The following TECPR1 variants were observed in gnomAD, a reference collection of about 807,000 sequenced individuals.
TECPR1 encodes tectonin beta-propeller repeat-containing protein 1.
Under a neutral mutation model 162.4 loss-of-function variants are expected in TECPR1, and 122 were observed. The ratio of observed to expected loss-of-function variants is 0.75; its 90% confidence interval spans 0.65 to 0.87. TECPR1 has a LOEUF of 0.87. Among genes scored for constraint, TECPR1 ranks in the 40% least tolerant of loss-of-function variants. TECPR1 has a pLI of 0.00. For missense variants in TECPR1, 1,432 were observed against 1,618.2 expected, an observed-to-expected ratio of 0.88 and a Z score of 1.97; for synonymous variants, 642 against 670.6, an observed-to-expected ratio of 0.96 and a Z score of 0.66.
Position 98,233,711 on chromosome 7 carries a change from G to T in TECPR1, c.1382C>A (p.Ala461Asp). 6.2e-7 allele frequency: 1 copy of T among 1,611,682 alleles called. No homozygotes were observed. Among genetic ancestry groups the T allele is most frequent in the Non-Finnish European group, 8.5e-7 (1 of 1,179,218 alleles). ...CTCCCTGCTGCCCTCGGCTGGGCAGGCATCTTCCACGGTATCTTCTGCGGT... is the reference window on the plus strand; with the variant it reads ...CTCCCTGCTGCCCTCGGCTGGGCAGTCATCTTCCACGGTATCTTCTGCGGT... The part of the protein sequence containing the change: ...GRTAEDTVED[A>D]CPAEGSREAR... The change falls in exon 11 of 26, where the codon GCC (alanine) becomes GAC (aspartate). Residue 461 changes from alanine to aspartate, a missense_variant. Coordinates refer to ENST00000447648, the MANE Select transcript of TECPR1 (RefSeq NM_015395.3).
Position 98,233,433 on chromosome 7 carries a change from T to C in TECPR1, c.1660A>G (p.Thr554Ala), listed in dbSNP as rs777108148. ...CAGGAGCCCTTACCCGCCTGGACAGTGAACCATCTGGGCATGGCACATGCC... is the reference window on the plus strand; with the variant it reads ...CAGGAGCCCTTACCCGCCTGGACAGCGAACCATCTGGGCATGGCACATGCC... ...VEACAMPRWF[T>A]VQAGLSSSVH... is the part of the protein sequence containing the mutation. The change falls in exon 11 of 26, where the codon ACT (threonine) becomes GCT (alanine). Residue 554 changes from threonine (T) to alanine (A), a missense_variant. Transcript: ENST00000447648. 1.4e-6 allele frequency: 2 copies of C among 1,455,542 alleles called. No individual in the cohort carries two copies. Among genetic ancestry groups the C allele is most frequent in the Admixed American group, 2.8e-5 (1 of 35,204 alleles). The allele number at this position is 1,455,542 out of a possible 1,614,324, so 90.2% of individuals were successfully genotyped here. A position where few individuals can be genotyped will look rare whatever the true frequency, so the allele number is the denominator to read the frequency against.
At chr7:98,233,014 C>T (rs117994369) in intron 11 of TECPR1, 42 bp from the exon 12 acceptor site, 1,194 of 1,553,016 alleles carry the variant, frequency 7.7e-4, no homozygotes, top group Non-Finnish European at 9.9e-4. Flanking sequence ...CACTGTCCTG[C>T]CCGCAGCTGG....
chr7:98,231,618 G>C (rs1798442075), intron 13 of TECPR1, 186 bp downstream of exon 13: 1 of 588,246 alleles, frequency 1.7e-6, no homozygotes, highest in African/African-American at 2.5e-5. Flanking sequence ...CCCCATTTCT[G>C]TACCCCCTTC....
rs779811136 is a variant in TECPR1 at position 98,241,107 on chromosome 7, G to A, written c.795C>T (p.Ala265=). 2.5e-6 allele frequency: 4 copies of A among 1,611,160 alleles called. No individual in the cohort carries two copies. In the East Asian group the frequency reaches 8.9e-5, roughly 36 times the overall value. Residue 265 remains alanine, a synonymous_variant, in exon 7 of 26, where the codon GCC becomes GCT. Transcript: ENST00000447648. The surrounding 1 kb of genome is among the most constrained non-coding windows in gnomAD (Gnocchi z 5.0). ...TCCTGTTGATTCCTTCCCGGACCAG[G>A]GCCTGTCCCTCCCAGAGTGTGGCCC... The part of the protein sequence containing the change: ...LLWATLWEGQ[A]LVREGINRSN...
At chr7:98,246,220 A>G in intron 2 of TECPR1, 55 bp from the exon 3 acceptor site, 2 of 1,144,166 alleles carry the variant, frequency 1.7e-6, no homozygotes, top group Non-Finnish European at 2.5e-6. Context: ...GGGACATCAG[A>G]GTCATGTGAA....
At position 98,229,640 on chromosome 7, in the gene TECPR1, C is replaced by T. The variant is rs912944160; in HGVS notation, c.2283-474G>A. 8.0e-5 allele frequency among the ~76,000 whole-genome samples: 12 copies of T among 149,124 alleles called. No individual in the cohort carries two copies. The South Asian group carries it at 1.6e-3, about 20-fold the overall frequency. On this transcript the variant is annotated intron_variant, in intron 15 of 25. Coordinates refer to ENST00000447648, the MANE Select transcript of TECPR1 (RefSeq NM_015395.3). ...GGGCTTCCAGGGTGTCAGCGGGAGG[C>T]GGTGCCAGCACAGCATGGCCTCCTG...
At position 98,232,748 on chromosome 7, in the gene TECPR1, A is replaced by G. The variant is rs569444594; in HGVS notation, c.1818+79T>C. The G allele has an allele frequency of 6.9e-7, 1 of 1,451,176 alleles. No homozygotes were observed. Among genetic ancestry groups the G allele is most frequent in the South Asian group, 1.4e-5 (1 of 69,710 alleles). The allele number at this position is 1,451,176 out of a possible 1,614,324, so 89.9% of individuals were successfully genotyped here. ...GGAGGCATCTATCTGTTTCTCTCAG[A>G]GCTGGTACACAGCAGGCGCTCAATG... On this transcript the variant is annotated intron_variant, in intron 12 of 25. Coordinates refer to ENST00000447648, the MANE Select transcript of TECPR1 (RefSeq NM_015395.3). The surrounding 1 kb of genome is among the most constrained non-coding windows in gnomAD (Gnocchi z 4.6).
chr7:98,234,772 G>A (rs974456936), intron 10 of TECPR1, among the ~76,000 whole-genome samples: 6 of 137,566 alleles, frequency 4.4e-5, no homozygotes, highest in East Asian at 2.1e-4. Flanking sequence ...GTGTAGTGAC[G>A]TGATCATAGC....
chr7:98,230,598 C>T (rs545218622), intron 15 of TECPR1, among the ~76,000 whole-genome samples: 2 of 152,292 alleles, frequency 1.3e-5, no homozygotes, highest in African/African-American at 2.4e-5. Context: ...GAGCTGGAGG[C>T]GGCTGAGCAC....
In TECPR1 at chr7:98,231,971, G is replaced by A. The variant is rs373067026; in HGVS notation, c.1819-12C>T. 2.4e-5 allele frequency: 38 copies of A among 1,592,724 alleles called. No individual in the cohort carries two copies. The highest frequency in any genetic ancestry group is 8.0e-5 in the African/African-American group (6 of 74,766). ...TTCACCCACACCGACTGCGCAGGCC[G>A]GGGCAGTGGACACCATCACAGGCAG... On this transcript the variant is annotated splice_polypyrimidine_tract_variant and intron_variant, in intron 12 of 25. Transcript: ENST00000447648.
In TECPR1 at chr7:98,217,167, G is replaced by GA; in HGVS notation, c.*222dup. On this transcript the variant is annotated 3_prime_UTR_variant, in exon 26 of 26. Coordinates refer to ENST00000447648, the MANE Select transcript of TECPR1 (RefSeq NM_015395.3). ...CCCCACCCCATGCCCCACACCCCGG[G>GA]ACTCCTCGCAGACGGGGACACGTGT... The GA allele has an allele frequency of 1.9e-6, 1 of 520,550 alleles. No homozygotes were observed. Among genetic ancestry groups the GA allele is most frequent in the Non-Finnish European group, 3.4e-6 (1 of 294,400 alleles). The allele number at this position is 520,550 out of a possible 1,614,324, so 32.2% of individuals were successfully genotyped here.
intron 17 of TECPR1, chr7:98,226,636 C>A: frequency 1.9e-6 from 2 of 1,061,070 alleles, no homozygotes; most frequent in Non-Finnish European, 2.3e-6. Flanking sequence ...TTGGAAAAGG[C>A]AGAAGTGGAG....
At chr7:98,229,472 C>T (rs1403098186) in intron 15 of TECPR1, among the ~76,000 whole-genome samples, 2 of 152,164 alleles carry the variant, frequency 1.3e-5, no homozygotes, top group East Asian at 3.9e-4. Context: ...ATGAGGCCAG[C>T]GGCGTGTTTC....
At chr7:98,226,712 C>A in intron 17 of TECPR1, 1 of 1,193,006 alleles carries the variant, frequency 8.4e-7, no homozygotes, top group South Asian at 1.3e-5. Flanking sequence ...CTGAGGCGGG[C>A]TTCGGGAGTT....
intron 10 of TECPR1, among the ~76,000 whole-genome samples, chr7:98,236,403 C>T (rs1798600954): frequency 6.6e-6 from 1 of 152,130 alleles, no homozygotes; most frequent in Non-Finnish European, 1.5e-5. Flanking sequence ...CCTTTACTTC[C>T]ACCCCAGAGA....
chr7:98,239,839 G>A (rs1462326529), intron 8 of TECPR1, among the ~76,000 whole-genome samples: 2 of 152,024 alleles, frequency 1.3e-5, no homozygotes, highest in Non-Finnish European at 1.5e-5. Flanking sequence ...GGCCAGGCAC[G>A]GTGGCTCATG....
In TECPR1 at chr7:98,217,618, G is replaced by A. The variant is rs375518406; in HGVS notation, c.3384+74C>T. On this transcript the variant is annotated intron_variant, in intron 25 of 25. Transcript: ENST00000447648. ...CCGGGTCCCAGGGGACAGTCCCACA[G>A]TGGTCGTCCCGTCTTCAGCACCCAG... The A allele has an allele frequency of 2.5e-4, 375 of 1,523,284 alleles. 1 individual carries two copies. In the African/African-American group the frequency reaches 4.4e-3, roughly 18 times the overall value. 94.4% of individuals were successfully genotyped at this position (1,523,284 alleles called of 1,614,324 possible).
rs1013360759 is a variant in TECPR1 at position 98,215,438 on chromosome 7, A to C, written c.*1952T>G. 9.2e-5 allele frequency: 14 copies of C among 152,284 alleles called. No homozygotes were observed. Among genetic ancestry groups the C allele is most frequent in the Admixed American group, 6.5e-5 (1 of 15,292 alleles). 9.4% of individuals were successfully genotyped at this position (152,284 alleles called of 1,614,324 possible). ...ATAAAACAAAAATAAAAGATTTCAC[A>C]GCAATGTCTGCTTCAGGCACACGGG... is the stretch of plus-strand genomic sequence containing the variant. On this transcript the variant is annotated 3_prime_UTR_variant, in exon 26 of 26. Coordinates refer to ENST00000447648, the MANE Select transcript of TECPR1 (RefSeq NM_015395.3).
At chr7:98,230,908 G>T in intron 15 of TECPR1, 53 bp downstream of exon 15, 1 of 1,566,256 alleles carries the variant, frequency 6.4e-7, no homozygotes, top group South Asian at 1.2e-5. Flanking sequence ...CTGTAACCAC[G>T]AGCTCGGGGT....
Sources: allele counts gnomAD v4.1 joint callset (sites outside exome capture counted in the v4.1 genomes callset), GRCh38; gene constraint gnomAD v4.1.1; non-coding constraint Gnocchi (gnomAD v3.1); transcripts MANE v1.5; gene names NCBI Gene and HGNC (gene_info 2026-07-23, HGNC 2026-07-21).